The following FNIP2 variants were observed in gnomAD, a reference collection of about 807,000 sequenced individuals.
FNIP2 encodes folliculin interacting protein 2.
In FNIP2, 32 loss-of-function variants were observed where a neutral mutation model predicts 108.7. The observed-to-expected ratio is 0.29, with a 90% CI of 0.22 to 0.40. FNIP2 has a LOEUF of 0.40. Ranked by LOEUF, FNIP2 falls within the 10% of genes least tolerant of loss-of-function variation. The pLI, the probability that FNIP2 is intolerant of heterozygous loss-of-function variation, is 1.00. For missense variants in FNIP2, 1,202 were observed against 1,381.6 expected, an observed-to-expected ratio of 0.87 and a Z score of 2.06; for synonymous variants, 480 against 496.7, an observed-to-expected ratio of 0.97 and a Z score of 0.45.
chr4:158,827,894 T>G (rs1210085798), intron 2 of FNIP2, among the ~76,000 whole-genome samples: 1 of 152,068 alleles, frequency 6.6e-6, no homozygotes, highest in Non-Finnish European at 1.5e-5. Flanking sequence ...ACTGCAGGCA[T>G]TTGCATTAGA....
intron 1 of FNIP2, among the ~76,000 whole-genome samples, chr4:158,778,396 A>G (rs1253078440): frequency 6.6e-6 from 1 of 152,240 alleles, no homozygotes; most frequent in Non-Finnish European, 1.5e-5. Flanking sequence ...TTTAAAAAAG[A>G]AGAAAGAAGA....
At chr4:158,904,275 T>C (rs575347802) in intron 16 of FNIP2, among the ~76,000 whole-genome samples, 191 bp from the exon 17 acceptor site, 16 of 152,328 alleles carry the variant, frequency 1.1e-4, no homozygotes, top group Middle Eastern at 3.4e-3. Context: ...CCCTGGTCAG[T>C]GTCCACTGGA....
In FNIP2 at chr4:158,803,747, A is replaced by G. The variant is rs960496418; in HGVS notation, c.108-22169A>G. Among the ~76,000 whole-genome samples the G allele has an allele frequency of 7.0e-4, 107 of 152,334 alleles. 1 individual carries two copies. Among genetic ancestry groups the G allele is most frequent in the African/African-American group, 2.3e-3 (97 of 41,576 alleles). On this transcript the variant is annotated intron_variant, in intron 1 of 16. Transcript: ENST00000264433. ...ATCTAAAAATCCTTTCTGTTAAGAT[A>G]TCATGTTGGTCTCACTGATTGGAGT...
At chr4:158,803,359 G>A (rs1011539358) in intron 1 of FNIP2, among the ~76,000 whole-genome samples, 1 of 152,134 alleles carries the variant, frequency 6.6e-6, no homozygotes, top group African/African-American at 2.4e-5. Context: ...ACCTCTCTAA[G>A]TGTGTAATTA....
At chr4:158,816,253 A>G (rs1489444185) in intron 1 of FNIP2, among the ~76,000 whole-genome samples, 1 of 152,206 alleles carries the variant, frequency 6.6e-6, no homozygotes, top group Non-Finnish European at 1.5e-5. Context: ...CCTTATCTGC[A>G]TACGGTTTAA....
At chr4:158,902,803 C>CTCAAG (rs1346631937) in intron 16 of FNIP2, among the ~76,000 whole-genome samples, 2 of 152,216 alleles carry the variant, frequency 1.3e-5, no homozygotes, top group East Asian at 3.9e-4. Flanking sequence ...AAACCGCTTA[C>CTCAAG]TCAAGTCTCA....
At position 158,868,177 on chromosome 4, in the gene FNIP2, T is replaced by C. The variant is rs1377232715; in HGVS notation, c.1541T>C (p.Val514Ala). ...TVVVGKQKDLVQRILYVLTYF... is the reference protein window; with the variant it reads ...TVVVGKQKDLAQRILYVLTYF... ...GTGGTAGGGAAGCAGAAGGACTTAGTCCAGCGAATACTTTATGTCCTGACC... is the reference window on the plus strand; with the variant it reads ...GTGGTAGGGAAGCAGAAGGACTTAGCCCAGCGAATACTTTATGTCCTGACC... Residue 514 changes from valine to alanine, a missense_variant, in exon 13 of 17, where the codon GTC becomes GCC. Physicochemically the swap from Val to Ala is moderately conservative, Grantham distance 64 (BLOSUM62 0). Transcript: ENST00000264433. This position sits in a 1 kb window ranked among gnomAD's most constrained non-coding sequence, Gnocchi z 4.6. The C allele has an allele frequency of 6.2e-7, 1 of 1,613,912 alleles. No individual in the cohort carries two copies. The highest frequency in any genetic ancestry group is 1.3e-5 in the African/African-American group (1 of 74,914).
chr4:158,867,988 C>T, intron 12 of FNIP2, 114 bp from the exon 13 acceptor site: 1 of 1,375,356 alleles, frequency 7.3e-7, no homozygotes, highest in Non-Finnish European at 9.9e-7. Context: ...GAGTCTGAAG[C>T]AGGGACTCCA....
At chr4:158,874,176 T>C (rs1781121954) in intron 14 of FNIP2, among the ~76,000 whole-genome samples, 1 of 152,216 alleles carries the variant, frequency 6.6e-6, no homozygotes, top group South Asian at 2.1e-4. Flanking sequence ...AGATGAAATA[T>C]GATTCAGTGG....
In FNIP2 at chr4:158,840,975, T is replaced by A. The variant is rs1455734279; in HGVS notation, c.727+5499T>A. On this transcript the variant is annotated intron_variant, in intron 7 of 16. Transcript: ENST00000264433. ...TTTATTTAAATGCTTTGAAATGAAC[T>A]TTCAGGGTAAGAATCTACATTATCA... 1.2e-4 allele frequency among the ~76,000 whole-genome samples: 18 copies of A among 152,362 alleles called. No individual in the cohort carries two copies. The South Asian group carries it at 3.7e-3, about 32-fold the overall frequency.
chr4:158,789,339 G>C (rs1481141558), intron 1 of FNIP2, among the ~76,000 whole-genome samples: 3 of 151,914 alleles, frequency 2.0e-5, no homozygotes. Flanking sequence ...GTGTGTGTGA[G>C]AAATCACAGG....
In FNIP2 at chr4:158,810,349, A is replaced by T. The variant is rs564134641; in HGVS notation, c.108-15567A>T. 1.0e-3 allele frequency among the ~76,000 whole-genome samples: 152 copies of T among 152,322 alleles called. 1 individual carries two copies. Among genetic ancestry groups the T allele is most frequent in the Middle Eastern group, 3.4e-3 (1 of 294 alleles). On this transcript the variant is annotated intron_variant, in intron 1 of 16. Coordinates refer to ENST00000264433, the MANE Select transcript of FNIP2 (RefSeq NM_020840.3). ...GTGACAAGCTTCACAGAGAGGTCGT[A>T]AATGGTTGGGTGTGACTCTGATGGG...
In FNIP2 at chr4:158,833,513, C is replaced by A. The variant is rs775138293; in HGVS notation, c.555-15C>A. The A allele has an allele frequency of 7.2e-6, 11 of 1,529,298 alleles. No homozygotes were observed. Among genetic ancestry groups the A allele is most frequent in the South Asian group, 1.2e-5 (1 of 81,302 alleles). 94.7% of individuals were successfully genotyped at this position (1,529,298 alleles called of 1,614,324 possible). ...TTGTCCTCTTTCTCCTTTTCCCCCC[C>A]ATCTCCGGATATAGCTTGCAAGACA... is the stretch of plus-strand genomic sequence containing the variant. On this transcript the variant is annotated splice_polypyrimidine_tract_variant and intron_variant, in intron 5 of 16. Coordinates refer to ENST00000264433, the MANE Select transcript of FNIP2 (RefSeq NM_020840.3).
chr4:158,806,525 A>C, intron 1 of FNIP2: 33 of 821,418 alleles, frequency 4.0e-5, no homozygotes, highest in Non-Finnish European at 5.4e-5. Context: ...GTTGTTTCTC[A>C]TAAGTGCTTC....
At position 158,866,305 on chromosome 4, in the gene FNIP2, G is replaced by A. The variant is rs187274770; in HGVS notation, c.1466-1797G>A. 4.2e-3 allele frequency among the ~76,000 whole-genome samples: 511 copies of A among 122,246 alleles called. 2 individuals carry two copies. Among genetic ancestry groups the A allele is most frequent in the Middle Eastern group, 0.019 (3 of 158 alleles). 80.2% of individuals were successfully genotyped at this position (122,246 alleles called of 152,430 possible). On this transcript the variant is annotated intron_variant, in intron 12 of 16. Transcript: ENST00000264433. Reference sequence around the variant, plus strand: ...GTGATCTCGGCTCACTGCAACCTCTGCCTCCCGGGCTCAAGCGATTCTCCT... The same window carrying A: ...GTGATCTCGGCTCACTGCAACCTCTACCTCCCGGGCTCAAGCGATTCTCCT...
At chr4:158,834,986 G>A (rs748703458) in intron 6 of FNIP2, 11 of 153,388 alleles carry the variant, frequency 7.2e-5, no homozygotes, top group Non-Finnish European at 1.0e-4. Context: ...TCCCTAAGTC[G>A]CCTACAGTTA....
At chr4:158,866,630 C>T (rs759726492) in intron 12 of FNIP2, among the ~76,000 whole-genome samples, 37 of 152,008 alleles carry the variant, frequency 2.4e-4, no homozygotes, top group Non-Finnish European at 3.2e-4. Flanking sequence ...GGCTGGAGTG[C>T]GGTGGCGACA....
chr4:158,811,321 C>T (rs1434219804), intron 1 of FNIP2, among the ~76,000 whole-genome samples: 4 of 152,086 alleles, frequency 2.6e-5, no homozygotes, highest in Admixed American at 2.6e-4. Context: ...CACTTTCATG[C>T]CTCACCCTGT....
At chr4:158,786,695 G>T (rs1212797777) in intron 1 of FNIP2, among the ~76,000 whole-genome samples, 2 of 152,124 alleles carry the variant, frequency 1.3e-5, no homozygotes, top group South Asian at 2.1e-4. Context: ...TTTGGGAAAA[G>T]GTGCCTGCAG....
Sources: gnomAD v4.1 joint callset for allele counts (sites outside exome capture counted in the v4.1 genomes callset) on GRCh38, gnomAD v4.1.1 for gene constraint, Gnocchi (gnomAD v3.1) non-coding constraint, MANE v1.5 for transcripts, NCBI Gene and HGNC (gene_info 2026-07-23, HGNC 2026-07-21) for gene names.